GSE1: variants seen among roughly 807,000 people sequenced by gnomAD.
GSE1 encodes genetic suppressor element 1.
GSE1 carries 32 observed loss-of-function variants against 112.6 expected under a neutral mutation model. The ratio of observed to expected loss-of-function variants is 0.28; its 90% CI spans 0.21 to 0.38. The LOEUF is 0.38. GSE1 is among the 10% of genes least tolerant of loss of function. GSE1 has a pLI of 1.00. For synonymous variants in GSE1, 1,115 were observed against 735.6 expected (o/e 1.52, Z -8.35); for missense variants, 2,348 against 1,699.2 (o/e 1.38, Z -6.71).
intron 2 of GSE1, among the ~76,000 whole-genome samples, chr16:85,415,928 G>A (rs756415397): frequency 5.9e-5 from 9 of 152,190 alleles, no homozygotes; most frequent in African/African-American, 9.7e-5. Flanking sequence ...ATCGAAGGCC[G>A]AGCAATAACA....
intron 1 of GSE1, among the ~76,000 whole-genome samples, chr16:85,600,920 C>A (rs180833361): frequency 1.6e-4 from 24 of 152,120 alleles, no homozygotes; most frequent in Non-Finnish European, 2.8e-4. Context: ...TCCTCTCCAA[C>A]GGCTCAGCTC....
chr16:85,564,626 G>A (rs141114014), intron 1 of GSE1, among the ~76,000 whole-genome samples: 41 of 152,306 alleles, frequency 2.7e-4, no homozygotes, highest in African/African-American at 5.3e-4. Context: ...CTCCTGCCCC[G>A]TTGCTCAGCA....
chr16:85,349,094 T>C (rs1336043760), intron 1 of GSE1, among the ~76,000 whole-genome samples: 1 of 152,212 alleles, frequency 6.6e-6, no homozygotes, highest in Non-Finnish European at 1.5e-5. Flanking sequence ...ATTACTCATT[T>C]GCCGGGTGCT....
intron 2 of GSE1, among the ~76,000 whole-genome samples, chr16:85,469,776 C>G (rs528475994): frequency 6.6e-6 from 1 of 152,328 alleles, no homozygotes; most frequent in East Asian, 1.9e-4. Context: ...ATTTTCCCGT[C>G]TGAAATGCGC....
chr16:85,253,480 CCCT>C (rs1234150753), intron 1 of GSE1, among the ~76,000 whole-genome samples: 2 of 152,318 alleles, frequency 1.3e-5, no homozygotes, highest in African/African-American at 4.8e-5. Context: ...CACCTGGGAC[CCCT>C]TTGTTCCTCT....
chr16:85,621,233 A>G (rs1439260790), intron 1 of GSE1, among the ~76,000 whole-genome samples: 1 of 150,974 alleles, frequency 6.6e-6, no homozygotes, highest in Non-Finnish European at 1.5e-5. Context: ...TGTGTTGGGG[A>G]ACCCGTTTAG....
chr16:85,376,966 C>T (rs973271387), intron 2 of GSE1, among the ~76,000 whole-genome samples: 2 of 152,242 alleles, frequency 1.3e-5, no homozygotes, highest in African/African-American at 4.8e-5. Flanking sequence ...GCTGTGCAGT[C>T]GCGGGTGGCC....
At chr16:85,525,522 G>A (rs1194756955) in intron 2 of GSE1, among the ~76,000 whole-genome samples, 1 of 152,206 alleles carries the variant, frequency 6.6e-6, no homozygotes, top group Non-Finnish European at 1.5e-5. Context: ...CAGCCGGCAG[G>A]CTTTCCTGTG....
chr16:85,175,123 A>G (rs1436327202), intron 1 of GSE1, among the ~76,000 whole-genome samples: 1 of 152,212 alleles, frequency 6.6e-6, no homozygotes, highest in Non-Finnish European at 1.5e-5. Flanking sequence ...AGGAAACATG[A>G]GAAAAATAAA....
intron 1 of GSE1, among the ~76,000 whole-genome samples, chr16:85,243,465 A>C (rs534021667): frequency 2.0e-5 from 3 of 152,194 alleles, no homozygotes; most frequent in Non-Finnish European, 4.4e-5. Flanking sequence ...GCCTGTGTTG[A>C]AGAAGGCGGT....
At chr16:85,547,424 C>T (rs1258758711) in intron 2 of GSE1, among the ~76,000 whole-genome samples, 5 of 152,210 alleles carry the variant, frequency 3.3e-5, no homozygotes, top group Non-Finnish European at 2.9e-5. Flanking sequence ...GGCCATATCA[C>T]GCCAATTTCT....
chr16:85,533,308 T>G (rs1004070560), intron 2 of GSE1, among the ~76,000 whole-genome samples: 1 of 150,486 alleles, frequency 6.6e-6, no homozygotes, highest in Non-Finnish European at 1.5e-5. Context: ...TAATCCCAAC[T>G]ACTCAGGAGG....
intron 12 of GSE1, 82 bp from the exon 13 acceptor site, chr16:85,665,894 C>A: frequency 7.3e-7 from 1 of 1,372,572 alleles, no homozygotes; most frequent in Admixed American, 1.7e-5. Flanking sequence ...AGTGTAAGCT[C>A]TAGAGACCAG....
intron 2 of GSE1, among the ~76,000 whole-genome samples, chr16:85,550,697 G>C (rs955415446): frequency 1.3e-5 from 2 of 152,190 alleles, no homozygotes; most frequent in African/African-American, 4.8e-5. Context: ...CCCAGCACGT[G>C]CTGGGAGGCT....
intron 3 of GSE1, among the ~76,000 whole-genome samples, chr16:85,649,994 G>A (rs1040431767): frequency 9.2e-5 from 14 of 152,172 alleles, no homozygotes; most frequent in African/African-American, 3.4e-4. Context: ...GGGACCCCCG[G>A]GGCCTGACGT....
chr16:85,309,380 G>C (rs1257178958), intron 1 of GSE1, among the ~76,000 whole-genome samples: 1 of 151,992 alleles, frequency 6.6e-6, no homozygotes, highest in East Asian at 1.9e-4. Context: ...TGTGGTCCCA[G>C]CTCCTCAGGA....
At chr16:85,460,291 A>G (rs1462723344) in intron 2 of GSE1, among the ~76,000 whole-genome samples, 2 of 152,140 alleles carry the variant, frequency 1.3e-5, no homozygotes, top group African/African-American at 4.8e-5. Flanking sequence ...TTTGAGACAC[A>G]CTGATACCTG....
chr16:85,421,933 G>A (rs932672826), intron 2 of GSE1, among the ~76,000 whole-genome samples: 4 of 152,102 alleles, frequency 2.6e-5, no homozygotes, highest in Non-Finnish European at 4.4e-5. Context: ...GAGGGCTTTC[G>A]AAGGGATCCC....
intron 2 of GSE1, among the ~76,000 whole-genome samples, chr16:85,453,679 G>A (rs1358487386): frequency 1.3e-5 from 2 of 152,128 alleles, no homozygotes; most frequent in African/African-American, 4.8e-5. Context: ...TCAGGGGGCT[G>A]AGAAGAGGGG....
Sources: gnomAD v4.1 joint callset for allele counts (sites outside exome capture counted in the v4.1 genomes callset) on GRCh38, gnomAD v4.1.1 for gene constraint, MANE v1.5 for transcripts, NCBI Gene and HGNC (gene_info 2026-07-23, HGNC 2026-07-21) for gene names.